MAPK14: variants seen among roughly 807,000 people sequenced by gnomAD.
The protein encoded by MAPK14 is CSAID-binding protein.
MAPK14 carries 16 observed loss-of-function variants against 49.6 expected under a neutral mutation model. That is an observed-to-expected ratio of 0.32 (90% CI 0.22 to 0.49). MAPK14 has a LOEUF of 0.49. Ranked by LOEUF, MAPK14 falls within the 20% of genes least tolerant of loss-of-function variation. The pLI is 0.99. For missense variants in MAPK14, 200 were observed against 441.2 expected (o/e 0.45, Z 4.90); for synonymous variants, 142 against 158.0 (o/e 0.90, Z 0.76).
chr6:36,079,988 C>T (rs1260750445), intron 8 of MAPK14, among the ~76,000 whole-genome samples: 3 of 151,714 alleles, frequency 2.0e-5, no homozygotes, highest in South Asian at 2.1e-4. Context: ...TTGTTGCCCA[C>T]GCTGGAGTGC....
At chr6:36,065,380 G>T (rs1436643565) in intron 3 of MAPK14, among the ~76,000 whole-genome samples, 1 of 152,148 alleles carries the variant, frequency 6.6e-6, no homozygotes, top group African/African-American at 2.4e-5. Flanking sequence ...CAGACATGGG[G>T]TGTCTTCAGG....
chr6:36,108,333 A>T, intron 11 of MAPK14, 47 bp from the exon 12 acceptor site: 1 of 1,419,678 alleles, frequency 7.0e-7, no homozygotes, highest in Non-Finnish European at 1.0e-6. Flanking sequence ...GCCAGCAAAG[A>T]GAATAGCCTA....
In MAPK14 at chr6:36,088,716, C is replaced by A. The variant is rs184912313; in HGVS notation, c.683-7271C>A. Among the ~76,000 whole-genome samples, 5 of 144,180 alleles carry A rather than the reference C, an allele frequency of 3.5e-5. No homozygotes were observed. The East Asian group carries it at 8.0e-4, about 23-fold the overall frequency. 94.6% of individuals were successfully genotyped at this position (144,180 alleles called of 152,430 possible). A position where few individuals can be genotyped will look rare whatever the true frequency, so the allele number is the denominator to read the frequency against. ...CAGCCTGGGCGACAGAGCGAGACTC[C>A]GTCTCAAAAAAAAAAAAAAAATATT... On this transcript the variant is annotated intron_variant, in intron 8 of 11. Coordinates refer to ENST00000229794, the MANE Select transcript of MAPK14 (RefSeq NM_139012.3).
intron 3 of MAPK14, among the ~76,000 whole-genome samples, chr6:36,064,613 A>G (rs1188513001): frequency 6.6e-6 from 1 of 152,208 alleles, no homozygotes; most frequent in African/African-American, 2.4e-5. Context: ...TCCACTTACT[A>G]ACAATGATTG....
chr6:36,107,607 C>T lies in MAPK14; in HGVS notation c.994C>T (p.Leu332Phe). The change falls in exon 11 of 12, where the codon CTC becomes TTC. Residue 332 changes from leucine (L) to phenylalanine (F), a missense_variant. Physicochemically the swap from Leu to Phe is conservative, Grantham distance 22. Around this residue, in one of 2 missense-constraint regions of MAPK14, gnomAD observed 170 missense variants for 407.0 expected, o/e 0.42. Transcript: ENST00000229794. This position sits in a 1 kb window ranked among gnomAD's most constrained non-coding sequence, Gnocchi z 4.3. ...PYDQSFESRD[L>F]LIDEWKSLTY... The stretch of plus-strand genomic sequence containing the variant: ...TGATCAGTCCTTTGAAAGCAGGGAC[C>T]TCCTTATAGATGAGTGGAAAAGTAA... The T allele has an allele frequency of 1.9e-6, 3 of 1,590,958 alleles. No homozygotes were observed. The highest frequency in any genetic ancestry group is 2.6e-6 in the Non-Finnish European group (3 of 1,169,554).
intron 2 of MAPK14, among the ~76,000 whole-genome samples, chr6:36,054,683 A>G (rs1483963756): frequency 6.6e-6 from 1 of 152,236 alleles, no homozygotes; most frequent in South Asian, 2.1e-4. Context: ...GCCTATTTTG[A>G]AAACATTTGT....
chr6:36,107,020 C>T lies in MAPK14; in HGVS notation c.842-435C>T, dbSNP rs1358673601. Among the ~76,000 whole-genome samples the T allele has an allele frequency of 6.6e-6, 1 of 152,126 alleles. No homozygotes were observed. The highest frequency in any genetic ancestry group is 1.5e-5 in the Non-Finnish European group (1 of 68,024). ...TTTGACATTGACGGTCCACAAAAGC[C>T]TGTTCAAACAGAATCCCAGTCATTT... On this transcript the variant is annotated intron_variant, in intron 10 of 11. Coordinates refer to ENST00000229794, the MANE Select transcript of MAPK14 (RefSeq NM_139012.3). This position sits in a 1 kb window ranked among gnomAD's most constrained non-coding sequence, Gnocchi z 4.3.
intron 1 of MAPK14, among the ~76,000 whole-genome samples, chr6:36,043,740 G>T (rs970564377): frequency 3.9e-4 from 59 of 151,592 alleles, no homozygotes; most frequent in African/African-American, 1.2e-3. Context: ...ATCCGGAGAA[G>T]AGGTGTCATG....
rs1763709830 is a variant in MAPK14, at chr6:36,059,307, G to A, written c.265G>A (p.Val89Ile). 2 of 1,610,430 alleles carry A rather than the reference G, an allele frequency of 1.2e-6. No individual in the cohort carries two copies. Among genetic ancestry groups the A allele is most frequent in the African/African-American group, 1.3e-5 (1 of 74,822 alleles). ...KHENVIGLLD[V>I]FTPARSLEEF... Reference sequence around the variant, plus strand: ...CTTACAGGTGATTGGTCTGTTGGACGTTTTTACACCTGCAAGGTCTCTGGA... The same window carrying A: ...CTTACAGGTGATTGGTCTGTTGGACATTTTTACACCTGCAAGGTCTCTGGA... Residue 89 changes from valine (V) to isoleucine (I), a missense_variant, in exon 3 of 12, where the codon GTT becomes ATT. Physicochemically the swap from Val to Ile is conservative, Grantham distance 29 (BLOSUM62 3). This residue lies in a region of MAPK14 where 170 missense variants were observed against 407.0 expected (regional missense o/e 0.42). Coordinates refer to ENST00000229794, the MANE Select transcript of MAPK14 (RefSeq NM_139012.3).
chr6:36,035,293 T>G (rs141724177), intron 1 of MAPK14, among the ~76,000 whole-genome samples: 2 of 152,218 alleles, frequency 1.3e-5, no homozygotes. Context: ...GGATCTGAGA[T>G]CACTGATCTT....
At chr6:36,051,750 G>C (rs1402247337) in intron 1 of MAPK14, among the ~76,000 whole-genome samples, 4 of 152,202 alleles carry the variant, frequency 2.6e-5, no homozygotes, top group African/African-American at 7.2e-5. Context: ...TTTCTTACTT[G>C]TAAGTGGGAG....
chr6:36,035,927 C>G (rs892345879), intron 1 of MAPK14, among the ~76,000 whole-genome samples: 1 of 152,096 alleles, frequency 6.6e-6, no homozygotes, highest in Admixed American at 6.6e-5. Context: ...CATAGCATAA[C>G]TTATAGTGCA....
chr6:36,069,707 CCTCT>C (rs147836715), intron 3 of MAPK14, among the ~76,000 whole-genome samples: 21 of 147,892 alleles, frequency 1.4e-4, no homozygotes, highest in East Asian at 5.9e-4. Context: ...AAGCTCTTTC[CCTCT>C]CTCTCTCTCT....
At chr6:36,029,473 C>G (rs1214536692) in intron 1 of MAPK14, among the ~76,000 whole-genome samples, 1 of 152,140 alleles carries the variant, frequency 6.6e-6, no homozygotes, top group Admixed American at 6.5e-5. Flanking sequence ...AGCTACGGAT[C>G]TTAAACTAAG....
At chr6:36,073,617 A>T in intron 4 of MAPK14, 74 bp from the exon 5 acceptor site, 2 of 1,205,094 alleles carry the variant, frequency 1.7e-6, no homozygotes, top group Admixed American at 3.9e-5. Flanking sequence ...GATTCATGAA[A>T]ATGTGCAGCA....
chr6:36,100,515 G>A (rs1000405435), intron 9 of MAPK14, among the ~76,000 whole-genome samples: 3 of 152,126 alleles, frequency 2.0e-5, no homozygotes, highest in African/African-American at 7.2e-5. Context: ...TGAATTTAGT[G>A]CTTGTGAGGC....
intron 1 of MAPK14, among the ~76,000 whole-genome samples, chr6:36,039,918 C>T (rs1445454421): frequency 6.6e-6 from 1 of 151,658 alleles, no homozygotes; most frequent in East Asian, 1.9e-4. Context: ...ATCACTTGAA[C>T]CCGGGAGGCG....
At chr6:36,064,269 T>TTC (rs1763949640) in intron 3 of MAPK14, among the ~76,000 whole-genome samples, 1 of 48,654 alleles carries the variant, frequency 2.1e-5, no homozygotes. Flanking sequence ...TGAGCCACCA[T>TTC]GCCCCCCCCC....
At chr6:36,054,607 C>G (rs73729696) in intron 2 of MAPK14, among the ~76,000 whole-genome samples, 6 of 152,104 alleles carry the variant, frequency 3.9e-5, no homozygotes, top group African/African-American at 1.4e-4. Context: ...TCATAGTTCT[C>G]TATTCCATTG....
Sources: allele counts gnomAD v4.1 joint callset (sites outside exome capture counted in the v4.1 genomes callset), GRCh38; gene constraint gnomAD v4.1.1; regional missense constraint gnomAD v4.1.1; non-coding constraint Gnocchi (gnomAD v3.1); transcripts MANE v1.5; gene names NCBI Gene and HGNC (gene_info 2026-07-23, HGNC 2026-07-21).